The following ZBTB37 variants were observed in gnomAD, a reference collection of about 807,000 sequenced individuals.
ZBTB37 encodes the protein zinc finger and BTB domain containing 37.
In ZBTB37, 15 loss-of-function variants were observed where a neutral mutation model predicts 37.7. That is an observed-to-expected ratio of 0.40 (90% CI 0.27 to 0.61). The LOEUF (loss-of-function observed/expected upper bound fraction) is 0.61, where lower values mean the gene tolerates loss of function less well. Among genes scored for constraint, ZBTB37 ranks in the 20% least tolerant of loss-of-function variants. The pLI, the probability that ZBTB37 is intolerant of heterozygous loss-of-function variation, is 0.44. For synonymous variants in ZBTB37, 231 were observed against 220.6 expected (o/e 1.05, Z -0.42); for missense variants, 514 against 641.9 (o/e 0.80, Z 2.15).
downstream of ZBTB37, chr1:173,886,643 A>G (rs983442174): frequency 6.5e-6 from 1 of 154,522 alleles, no homozygotes; most frequent in Admixed American, 6.4e-5. Flanking sequence ...CAAGAAAAAA[A>G]TGAATACTGG....
At chr1:173,882,374 T>C (rs1419770174) in intron 4 of ZBTB37, among the ~76,000 whole-genome samples, 1 of 151,038 alleles carries the variant, frequency 6.6e-6, no homozygotes, top group Non-Finnish European at 1.5e-5. Flanking sequence ...CCCGAGTAGC[T>C]GGGACTACAG....
At chr1:173,870,904 G>A in exon 3 of ZBTB37, 1 of 1,614,224 alleles carries the variant, frequency 6.2e-7, no homozygotes, top group Non-Finnish European at 8.5e-7. Flanking sequence ...GACAGGAGTG[G>A]CGGACCGTGG....
chr1:173,879,016 G>A (rs576297916), intron 4 of ZBTB37, among the ~76,000 whole-genome samples: 32 of 151,726 alleles, frequency 2.1e-4, no homozygotes, highest in African/African-American at 4.1e-4. Context: ...GTTTGAACCC[G>A]GGAGGTGGAG....
chr1:173,874,638 A>G (rs2102725661), intron 4 of ZBTB37, among the ~76,000 whole-genome samples: 1 of 152,140 alleles, frequency 6.6e-6, no homozygotes, highest in African/African-American at 2.4e-5. Context: ...GGTGTGAGCC[A>G]CTGCACCCAG....
At chr1:173,880,012 C>T (rs923274068) in intron 4 of ZBTB37, among the ~76,000 whole-genome samples, 1 of 152,166 alleles carries the variant, frequency 6.6e-6, no homozygotes, top group Non-Finnish European at 1.5e-5. Flanking sequence ...CTAGCAATCA[C>T]CAACTCTGAA....
chr1:173,884,339 G>A (rs986278036), intron 4 of ZBTB37, among the ~76,000 whole-genome samples: 1 of 151,688 alleles, frequency 6.6e-6, no homozygotes, highest in African/African-American at 2.4e-5. Flanking sequence ...GTTATTTTTT[G>A]TACAGGTGGG....
exon 4 of ZBTB37, chr1:173,895,403 C>G (rs2181309): frequency 6.6e-6 from 1 of 152,018 alleles, no homozygotes. Context: ...GTGCCTGGCC[C>G]GGAAAGCTTA....
At chr1:173,870,399 G>C in exon 3 of ZBTB37, 1 of 1,614,136 alleles carries the variant, frequency 6.2e-7, no homozygotes, top group Non-Finnish European at 8.5e-7. Context: ...CCTATTTCCG[G>C]GATCACATGT....
At chr1:173,891,869 G>C (rs896628724) in exon 4 of ZBTB37, 3 of 152,212 alleles carry the variant, frequency 2.0e-5, no homozygotes, top group Non-Finnish European at 4.4e-5. Flanking sequence ...AGGCCATGCT[G>C]ATACAGTATA....
At chr1:173,888,359 C>CA (rs1368172556), downstream of ZBTB37, 2 of 152,084 alleles carry the variant, frequency 1.3e-5, no homozygotes, top group South Asian at 4.1e-4. Context: ...TTAAGCCTAC[C>CA]AAAAAACTTT....
At chr1:173,870,365 A>G (rs1284778502) in exon 3 of ZBTB37, 7 of 1,614,176 alleles carry the variant, frequency 4.3e-6, no homozygotes, top group African/African-American at 1.3e-5. Context: ...CGGGCTCACA[A>G]AGTGGTGCTG....
At chr1:173,885,553 A>G (rs1656576871) in intron 4 of ZBTB37, 83 bp from the exon 5 acceptor site, 12 of 1,181,030 alleles carry the variant, frequency 1.0e-5, no homozygotes, top group Non-Finnish European at 1.3e-5. Context: ...TCTTAGTAAC[A>G]AGTAAAAATA....
exon 4 of ZBTB37, chr1:173,903,107 G>GT (rs779953492): frequency 5.3e-5 from 8 of 152,130 alleles, no homozygotes; most frequent in Admixed American, 1.3e-4. Flanking sequence ...TCATTTCTAA[G>GT]TATCAGATTT....
rs1176357773 is a variant in ZBTB37, at chr1:173,885,630, G to A, written c.1024-6G>A. 1 of 1,542,586 alleles carries A rather than the reference G, an allele frequency of 6.5e-7. No individual in the cohort carries two copies. The highest frequency in any genetic ancestry group is 2.0e-5 in the Admixed American group (1 of 49,984). On this transcript the variant is annotated splice_region_variant and splice_polypyrimidine_tract_variant and intron_variant, in intron 4 of 4. Transcript: ENST00000427304. The stretch of plus-strand genomic sequence containing the variant: ...CTTTCTTGGTTATTTTCCTTACCTG[G>A]TACAGGTAGAAGAGTCAGCAATGAT...
rs760042560 is a variant in ZBTB37, at chr1:173,871,151, A to AGGTTT, written c.923+19_923+23dup. The AGGTTT allele has an allele frequency of 1.3e-5, 20 of 1,586,232 alleles. No homozygotes were observed. The highest frequency in any genetic ancestry group is 5.5e-5 in the Admixed American group (3 of 54,724). On this transcript the variant is annotated splice_donor_region_variant and intron_variant, in intron 3 of 4. Transcript: ENST00000427304. Reference sequence around the variant, plus strand: ...CCAACAAGCAGTGAAGTTGACAGGTAGGTTTGGTTTGGTTTGGTTTTCCCA... The same window carrying AGGTTT: ...CCAACAAGCAGTGAAGTTGACAGGTAGGTTTGGTTTGGTTTGGTTTGGTTTTCCCA...
exon 4 of ZBTB37, chr1:173,898,317 C>G (rs2102766036): frequency 6.6e-6 from 1 of 152,108 alleles, no homozygotes; most frequent in South Asian, 2.1e-4. Flanking sequence ...AAAAAATTAG[C>G]TGGGTGTGGT....
intron 4 of ZBTB37, 181 bp downstream of exon 4, chr1:173,873,747 C>G (rs766622547): frequency 1.0e-5 from 11 of 1,060,340 alleles, no homozygotes; most frequent in Non-Finnish European, 1.4e-5. Context: ...AGAGACATCA[C>G]CAGAAAGGAA....
chr1:173,871,984 C>T (rs770768002), intron 3 of ZBTB37, among the ~76,000 whole-genome samples: 1 of 152,178 alleles, frequency 6.6e-6, no homozygotes, highest in Admixed American at 6.5e-5. Flanking sequence ...AACTAAAAAA[C>T]TATTACTTTG....
At chr1:173,881,634 A>G in intron 4 of ZBTB37, among the ~76,000 whole-genome samples, 1 of 152,158 alleles carries the variant, frequency 6.6e-6, no homozygotes, top group Non-Finnish European at 1.5e-5. Context: ...CTGACTTTTC[A>G]ATGATCGCCA....
Sources: allele counts gnomAD v4.1 joint callset (sites outside exome capture counted in the v4.1 genomes callset), GRCh38; gene constraint gnomAD v4.1.1; transcripts MANE v1.5; gene names NCBI Gene and HGNC (gene_info 2026-07-23, HGNC 2026-07-21).